SAXO1: variants seen among roughly 807,000 people sequenced by gnomAD.
SAXO1 encodes the protein stabilizer of axonemal microtubules 1.
Under a neutral mutation model 17.5 loss-of-function variants are expected in SAXO1, and 21 were observed. That is an observed-to-expected ratio of 1.20 (90% CI 0.85 to 1.72). The LOEUF (loss-of-function observed/expected upper bound fraction) is 1.72. SAXO1 is among the 40% of genes most tolerant of loss of function. The probability of loss-of-function intolerance (pLI) is 0.00; values close to 1 mark genes in which losing one functional copy is unlikely to be tolerated. For missense variants in SAXO1, 843 were observed against 596.0 expected (o/e 1.41, Z -4.32); for synonymous variants, 274 against 216.5 (o/e 1.27, Z -2.33).
intron 1 of SAXO1, among the ~76,000 whole-genome samples, chr9:18,992,198 G>T (rs1563966525): frequency 6.6e-6 from 1 of 152,186 alleles, no homozygotes; most frequent in Admixed American, 6.5e-5. Context: ...AAACTGAGTG[G>T]TTGAACCAGA....
chr9:19,033,146 C>A lies in SAXO1; in HGVS notation c.-238G>T. 2.2e-6 allele frequency: 1 copy of A among 463,316 alleles called. No individual in the cohort carries two copies. The highest frequency in any genetic ancestry group is 3.8e-6 in the Non-Finnish European group (1 of 262,262). 28.7% of individuals were successfully genotyped at this position (463,316 alleles called of 1,614,324 possible). ...TTGCACGCGCGCCAGCCCGGGAGACCTCACCCTGCACGCCACCGCCCCGGC... is the reference window on the plus strand; with the variant it reads ...TTGCACGCGCGCCAGCCCGGGAGACATCACCCTGCACGCCACCGCCCCGGC... On this transcript the variant is annotated 5_prime_UTR_variant, in exon 1 of 4. The change creates a new upstream start codon in the 5' untranslated region. Coordinates refer to ENST00000380534, the MANE Select transcript of SAXO1 (RefSeq NM_153707.4).
At chr9:19,038,084 A>G (rs1835985850), upstream of SAXO1, among the ~76,000 whole-genome samples, 1 of 152,204 alleles carries the variant, frequency 6.6e-6, no homozygotes, top group Non-Finnish European at 1.5e-5. Context: ...TTAGAATGGC[A>G]ATCATTAAAA....
At chr9:18,967,464 G>A (rs549555658) in intron 1 of SAXO1, among the ~76,000 whole-genome samples, 2 of 152,228 alleles carry the variant, frequency 1.3e-5, no homozygotes, top group Non-Finnish European at 2.9e-5. Flanking sequence ...GGAATCTAGA[G>A]AGGCTGTCTG....
intron 1 of SAXO1, among the ~76,000 whole-genome samples, chr9:18,960,394 C>T (rs1314096924): frequency 2.0e-5 from 3 of 152,094 alleles, no homozygotes; most frequent in Admixed American, 6.6e-5. Flanking sequence ...CCGGGGAACA[C>T]TCTGCCTGGA....
intron 1 of SAXO1, among the ~76,000 whole-genome samples, chr9:18,978,093 C>T (rs1005416678): frequency 2.0e-5 from 3 of 152,008 alleles, no homozygotes; most frequent in Admixed American, 2.0e-4. Context: ...CACCATTCCC[C>T]TCATTGCCCC....
chr9:18,955,582 C>A (rs1044732087), intron 1 of SAXO1, among the ~76,000 whole-genome samples: 5 of 152,210 alleles, frequency 3.3e-5, no homozygotes, highest in African/African-American at 1.2e-4. Flanking sequence ...CAATATCCGT[C>A]TCTTTCTTAG....
At chr9:18,943,083 T>C (rs796286928) in intron 2 of SAXO1, among the ~76,000 whole-genome samples, 4 of 152,324 alleles carry the variant, frequency 2.6e-5, no homozygotes, top group African/African-American at 7.2e-5. Context: ...CGCTCCACTG[T>C]AACCTGTCTT....
intron 3 of SAXO1, among the ~76,000 whole-genome samples, chr9:18,937,132 C>T (rs1393740417): frequency 6.6e-6 from 1 of 152,204 alleles, no homozygotes; most frequent in Non-Finnish European, 1.5e-5. Context: ...TTTCACAAGA[C>T]ACAAACATGT....
intron 1 of SAXO1, among the ~76,000 whole-genome samples, chr9:19,030,408 TTAGAA>T (rs1298172919): frequency 6.6e-6 from 1 of 151,116 alleles, no homozygotes; most frequent in African/African-American, 2.4e-5. Flanking sequence ...GACCCAGACT[TTAGAA>T]AAGAGTCAAT....
chr9:18,977,430 C>T (rs1392118953), intron 1 of SAXO1, among the ~76,000 whole-genome samples: 1 of 152,074 alleles, frequency 6.6e-6, no homozygotes, highest in Admixed American at 6.5e-5. Context: ...CAGATGCTGC[C>T]GCTATTATTC....
chr9:18,990,108 C>A (rs751782201), intron 1 of SAXO1, among the ~76,000 whole-genome samples: 15 of 151,928 alleles, frequency 9.9e-5, no homozygotes, highest in Non-Finnish European at 2.1e-4. Context: ...CAGTGGCAGA[C>A]TGAAGCTACA....
intron 3 of SAXO1, among the ~76,000 whole-genome samples, chr9:18,934,199 T>C: frequency 6.6e-6 from 1 of 152,206 alleles, no homozygotes. Flanking sequence ...CTATTTGGAT[T>C]GTGCCTCTTG....
At chr9:18,969,547 G>A (rs533659285) in intron 1 of SAXO1, among the ~76,000 whole-genome samples, 7 of 152,278 alleles carry the variant, frequency 4.6e-5, no homozygotes, top group African/African-American at 1.7e-4. Flanking sequence ...TGCTTGCACA[G>A]CACACTGTAG....
intron 1 of SAXO1, among the ~76,000 whole-genome samples, chr9:19,007,493 C>T (rs1834533704): frequency 6.6e-6 from 1 of 152,180 alleles, no homozygotes; most frequent in Non-Finnish European, 1.5e-5. Context: ...GAATCTGTGA[C>T]CTGAAAACTA....
At chr9:18,967,559 G>C (rs142966166) in intron 1 of SAXO1, among the ~76,000 whole-genome samples, 2 of 152,190 alleles carry the variant, frequency 1.3e-5, no homozygotes, top group Admixed American at 6.5e-5. Context: ...GGAAAACTAC[G>C]TACTCAAGCC....
At chr9:19,027,878 G>A (rs752153006) in intron 1 of SAXO1, 316 of 1,375,992 alleles carry the variant, frequency 2.3e-4, no homozygotes, top group Non-Finnish European at 3.1e-4. Flanking sequence ...GGGCGGCCTG[G>A]ACCGCAAGAT....
In SAXO1 at chr9:18,981,277, T is replaced by C. The variant is rs530847747; in HGVS notation, c.39-30340A>G. ...CCCCCACTCTTAGTTATAAAATACT[T>C]TCTAATAGTCTCATAACAATACTTT... On this transcript the variant is annotated intron_variant, in intron 1 of 3. Coordinates refer to ENST00000380534, the MANE Select transcript of SAXO1 (RefSeq NM_153707.4). Among the ~76,000 whole-genome samples, 105 of 152,354 alleles carry C rather than the reference T, an allele frequency of 6.9e-4. 1 individual carries two copies. Among genetic ancestry groups the C allele is most frequent in the African/African-American group, 2.5e-3 (104 of 41,576 alleles).
chr9:18,993,814 C>G (rs544307788), intron 1 of SAXO1, among the ~76,000 whole-genome samples: 5 of 152,064 alleles, frequency 3.3e-5, no homozygotes, highest in Non-Finnish European at 7.4e-5. Context: ...CCTATGCCAT[C>G]AATATCATCC....
At chr9:19,037,211 A>G (rs1253876377), upstream of SAXO1, among the ~76,000 whole-genome samples, 1 of 152,190 alleles carries the variant, frequency 6.6e-6, no homozygotes, top group Non-Finnish European at 1.5e-5. Context: ...TCATAGGTGG[A>G]AGGGACTTGC....
Sources: gnomAD v4.1 joint callset for allele counts (sites outside exome capture counted in the v4.1 genomes callset) on GRCh38, gnomAD v4.1.1 for gene constraint, MANE v1.5 for transcripts, NCBI Gene and HGNC (gene_info 2026-07-23, HGNC 2026-07-21) for gene names.